GABBR2: variants seen among roughly 807,000 people sequenced by gnomAD.
GABBR2 encodes the protein gamma-aminobutyric acid type B receptor subunit 2, also known as G-protein coupled receptor 51.
In GABBR2, 23 loss-of-function variants were observed where a neutral mutation model predicts 105.6. The observed-to-expected ratio is 0.22, with a 90% CI of 0.16 to 0.31. The LOEUF is 0.31. Ranked by LOEUF, GABBR2 falls within the 10% of genes least tolerant of loss-of-function variation. The pLI is 1.00. For synonymous variants in GABBR2, 478 were observed against 499.7 expected (o/e 0.96, Z 0.58); for missense variants, 734 against 1,245.5 (o/e 0.59, Z 6.18).
At chr9:98,551,215 C>T (rs775457968) in intron 2 of GABBR2, among the ~76,000 whole-genome samples, 4 of 152,032 alleles carry the variant, frequency 2.6e-5, no homozygotes, top group South Asian at 2.1e-4. Flanking sequence ...CCAGCCTGGC[C>T]GACATGGTGA....
chr9:98,290,683 G>C lies in GABBR2; in HGVS notation c.2727C>G (p.Gly909=). ...AGGGGCTGACACAGCTGGCGTCCAC[G>C]CCTCCGATGGATGGGAGGTAGGCGT... ...LHHAYLPSIG[G]VDASCVSPCV... The change falls in exon 19 of 19, where the codon GGC becomes GGG. Residue 909 remains glycine, a synonymous_variant. Coordinates refer to ENST00000259455, the MANE Select transcript of GABBR2 (RefSeq NM_005458.8). The C allele has an allele frequency of 6.8e-7, 1 of 1,478,622 alleles. No homozygotes were observed. The highest frequency in any genetic ancestry group is 8.9e-7 in the Non-Finnish European group (1 of 1,125,270). The allele number at this position is 1,478,622 out of a possible 1,614,324, so 91.6% of individuals were successfully genotyped here. A position where few individuals can be genotyped will look rare whatever the true frequency, so the allele number is the denominator to read the frequency against.
At chr9:98,438,601 G>T (rs1457734665) in intron 7 of GABBR2, among the ~76,000 whole-genome samples, 1 of 152,148 alleles carries the variant, frequency 6.6e-6, no homozygotes, top group Non-Finnish European at 1.5e-5. Flanking sequence ...CAAAATTATT[G>T]CAAAAGAGGG....
intron 2 of GABBR2, among the ~76,000 whole-genome samples, chr9:98,563,291 C>A (rs1385825114): frequency 6.6e-6 from 1 of 152,102 alleles, no homozygotes; most frequent in African/African-American, 2.4e-5. Flanking sequence ...GAGCTGGGCT[C>A]TAAGGTTCCC....
intron 1 of GABBR2, among the ~76,000 whole-genome samples, chr9:98,664,321 G>A (rs1263207785): frequency 1.3e-5 from 2 of 152,152 alleles, no homozygotes; most frequent in Non-Finnish European, 2.9e-5. Flanking sequence ...CACCAGCCTA[G>A]CCTCTTCAAA....
intron 3 of GABBR2, among the ~76,000 whole-genome samples, chr9:98,538,251 A>G (rs1383794087): frequency 6.6e-6 from 1 of 152,216 alleles, no homozygotes; most frequent in Non-Finnish European, 1.5e-5. Flanking sequence ...CACAGCCATC[A>G]CTTAGCAAGG....
intron 1 of GABBR2, among the ~76,000 whole-genome samples, chr9:98,617,403 G>A (rs1378079791): frequency 3.3e-5 from 5 of 152,172 alleles, no homozygotes; most frequent in Admixed American, 2.0e-4. Flanking sequence ...ACAAGGAGAC[G>A]CAAATGCAGC....
intron 7 of GABBR2, among the ~76,000 whole-genome samples, chr9:98,449,608 A>G (rs924162499): frequency 6.6e-6 from 1 of 152,220 alleles, no homozygotes; most frequent in African/African-American, 2.4e-5. Context: ...GCCCTGGAAG[A>G]TTCTCATGCC....
At chr9:98,506,602 C>T (rs748087261) in intron 3 of GABBR2, among the ~76,000 whole-genome samples, 1 of 152,198 alleles carries the variant, frequency 6.6e-6, no homozygotes, top group African/African-American at 2.4e-5. Flanking sequence ...ATCAGGGCCC[C>T]AATGAAGGAA....
intron 1 of GABBR2, among the ~76,000 whole-genome samples, chr9:98,624,259 A>C (rs947432723): frequency 6.6e-6 from 1 of 152,152 alleles, no homozygotes; most frequent in Non-Finnish European, 1.5e-5. Context: ...CAGGAAGGCA[A>C]GCAGCAGACA....
intron 7 of GABBR2, among the ~76,000 whole-genome samples, chr9:98,437,703 C>T (rs1332454123): frequency 6.6e-6 from 1 of 151,810 alleles, no homozygotes; most frequent in African/African-American, 2.4e-5. Flanking sequence ...ACTATCCATC[C>T]ATCCATCCAC....
At chr9:98,651,858 AT>A (rs1031150373) in intron 1 of GABBR2, among the ~76,000 whole-genome samples, 11 of 152,196 alleles carry the variant, frequency 7.2e-5, no homozygotes, top group Non-Finnish European at 1.6e-4. Flanking sequence ...CCCTGACTGG[AT>A]TTTTTTATAT....
chr9:98,361,079 A>G (rs1831573540), intron 13 of GABBR2, among the ~76,000 whole-genome samples: 1 of 152,090 alleles, frequency 6.6e-6, no homozygotes, highest in Non-Finnish European at 1.5e-5. Flanking sequence ...AGAAGGGGAG[A>G]ACATTTCCCT....
At chr9:98,381,499 T>C (rs1831975299) in intron 11 of GABBR2, among the ~76,000 whole-genome samples, 1 of 152,248 alleles carries the variant, frequency 6.6e-6, no homozygotes, top group African/African-American at 2.4e-5. Flanking sequence ...CATCAGGCAC[T>C]GGTACTTAGG....
intron 7 of GABBR2, among the ~76,000 whole-genome samples, chr9:98,431,243 TA>T (rs1185856247): frequency 6.6e-6 from 1 of 152,184 alleles, no homozygotes; most frequent in Non-Finnish European, 1.5e-5. Context: ...CTCATCCTCC[TA>T]CACATCTTTC....
At chr9:98,311,392 C>CTGTT (rs1053000060) in intron 13 of GABBR2, among the ~76,000 whole-genome samples, 187 bp from the exon 14 acceptor site, 12 of 152,202 alleles carry the variant, frequency 7.9e-5, no homozygotes, top group African/African-American at 2.9e-4. Flanking sequence ...TGACTGCCTT[C>CTGTT]TGTTTGTTGG....
At chr9:98,416,666 T>G (rs533498381) in intron 7 of GABBR2, among the ~76,000 whole-genome samples, 2 of 152,330 alleles carry the variant, frequency 1.3e-5, no homozygotes, top group Admixed American at 1.3e-4. Context: ...TCTTCAGACA[T>G]CAGAATACTA....
intron 2 of GABBR2, among the ~76,000 whole-genome samples, chr9:98,554,127 C>T (rs866173748): frequency 3.9e-5 from 6 of 152,144 alleles, no homozygotes; most frequent in South Asian, 2.1e-4. Context: ...ATGACGTCCT[C>T]GCTCCAATTT....
intron 13 of GABBR2, among the ~76,000 whole-genome samples, chr9:98,316,218 C>A (rs1477849674): frequency 6.6e-6 from 1 of 151,530 alleles, no homozygotes; most frequent in Admixed American, 6.6e-5. Flanking sequence ...ATGGCGCAAT[C>A]TCAGCTCACT....
At position 98,522,622 on chromosome 9, in the gene GABBR2, G is replaced by T. The variant is rs144066172; in HGVS notation, c.630+19251C>A. Among the ~76,000 whole-genome samples, 288 of 152,244 alleles carry T rather than the reference G, an allele frequency of 1.9e-3. 1 individual carries two copies. Among genetic ancestry groups the T allele is most frequent in the African/African-American group, 6.4e-3 (267 of 41,568 alleles). Reference sequence around the variant, plus strand: ...CTTGTCATTCATAGGCAAAGCTACAGAGAGAAATTGTGATTTATGCAAGGG... The same window carrying T: ...CTTGTCATTCATAGGCAAAGCTACATAGAGAAATTGTGATTTATGCAAGGG... On this transcript the variant is annotated intron_variant, in intron 3 of 18. Transcript: ENST00000259455.
Sources: gnomAD v4.1 joint callset for allele counts (sites outside exome capture counted in the v4.1 genomes callset) on GRCh38, gnomAD v4.1.1 for gene constraint, MANE v1.5 for transcripts, NCBI Gene and HGNC (gene_info 2026-07-23, HGNC 2026-07-21) for gene names.